CNBD1: variants seen among roughly 807,000 people sequenced by gnomAD.
CNBD1 encodes the protein cyclic nucleotide-binding domain-containing protein 1.
CNBD1 carries 71 observed loss-of-function variants against 54.4 expected under a neutral mutation model. The observed-to-expected ratio is 1.30, with a 90% CI of 1.08 to 1.59. The LOEUF is 1.59. CNBD1 is among the 40% of genes most tolerant of loss of function. The pLI is 0.00. For missense variants in CNBD1, 659 were observed against 518.0 expected (o/e 1.27, Z -2.64); for synonymous variants, 182 against 170.7 (o/e 1.07, Z -0.51).
Position 86,943,145 on chromosome 8 carries a change from A to T in CNBD1, c.431+3391A>T, listed in dbSNP as rs537784756. On this transcript the variant is annotated intron_variant, in intron 4 of 10. Coordinates refer to ENST00000518476, the MANE Select transcript of CNBD1 (RefSeq NM_173538.3). Reference sequence around the variant, plus strand: ...CACCTGTAATCCCAGCACTTTGGGAAGCCAAGGAGTGTGGATCATGAGGTC... The same window carrying T: ...CACCTGTAATCCCAGCACTTTGGGATGCCAAGGAGTGTGGATCATGAGGTC... 2.8e-3 allele frequency among the ~76,000 whole-genome samples: 420 copies of T among 152,056 alleles called. 3 individuals are homozygous for T. The highest frequency in any genetic ancestry group is 9.8e-3 in the African/African-American group (408 of 41,506).
intron 6 of CNBD1, among the ~76,000 whole-genome samples, chr8:87,242,567 A>G (rs144417053): frequency 6.6e-5 from 10 of 152,272 alleles, no homozygotes; most frequent in African/African-American, 2.2e-4. Context: ...GAATCCACCT[A>G]TGACTTAGAA....
At chr8:87,252,274 A>G (rs899882981) in intron 6 of CNBD1, among the ~76,000 whole-genome samples, 13 of 152,192 alleles carry the variant, frequency 8.5e-5, no homozygotes, top group African/African-American at 3.1e-4. Flanking sequence ...CTTCATATCT[A>G]AGTATATAAA....
At chr8:87,154,975 C>T (rs1812683880) in intron 4 of CNBD1, among the ~76,000 whole-genome samples, 2 of 152,162 alleles carry the variant, frequency 1.3e-5, no homozygotes, top group Admixed American at 1.3e-4. Flanking sequence ...AGTATCATAG[C>T]TGTACCATTC....
rs553666391 is a variant in CNBD1 at position 87,417,789 on chromosome 8, CTTAGTATCAATA to C, written c.214-10743_214-10732del. 6.6e-4 allele frequency among the ~76,000 whole-genome samples: 100 copies of C among 151,494 alleles called. 1 individual carries two copies. The East Asian group carries it at 0.017, about 26-fold the overall frequency. On this transcript the variant is annotated intron_variant, in intron 2 of 7. Transcript: ENST00000521593. ...ATTTGTATTTAAATCATACTGTATA[CTTAGTATCAATA>C]TTAGTATCAATATATGATAGTAACA...
chr8:87,256,006 TATATATATA>T lies in CNBD1; in HGVS notation c.771+18895_771+18903del, dbSNP rs1308051422. 1.5e-3 allele frequency among the ~76,000 whole-genome samples: 32 copies of T among 20,670 alleles called. 1 individual carries two copies. The highest frequency in any genetic ancestry group is 5.4e-3 in the African/African-American group (22 of 4,092). The allele number at this position is 20,670 out of a possible 152,430, so 13.6% of individuals were successfully genotyped here. On this transcript the variant is annotated intron_variant, in intron 6 of 10. Transcript: ENST00000518476. ...ATATATATATATATATATATATATA[TATATATATA>T]TTTTTTTTTTTTTTTTTTTTTTTTT...
intron 4 of CNBD1, among the ~76,000 whole-genome samples, chr8:87,054,080 G>A (rs1810364937): frequency 6.6e-6 from 1 of 152,226 alleles, no homozygotes; most frequent in Non-Finnish European, 1.5e-5. Flanking sequence ...TCACAGATAA[G>A]ACATGGAGCC....
At chr8:87,345,829 G>T (rs906224467) in intron 8 of CNBD1, among the ~76,000 whole-genome samples, 1 of 152,092 alleles carries the variant, frequency 6.6e-6, no homozygotes, top group Non-Finnish European at 1.5e-5. Flanking sequence ...TACACCCAGA[G>T]TAATTAAGTC....
intron 6 of CNBD1, among the ~76,000 whole-genome samples, chr8:87,247,697 C>T (rs1190988561): frequency 6.6e-6 from 1 of 152,110 alleles, no homozygotes; most frequent in African/African-American, 2.4e-5. Flanking sequence ...CTTTAGAAAG[C>T]CCTCTCATTT....
At chr8:87,303,305 C>T (rs1172724695) in intron 8 of CNBD1, among the ~76,000 whole-genome samples, 3 of 151,904 alleles carry the variant, frequency 2.0e-5, no homozygotes, top group African/African-American at 7.3e-5. Context: ...ACCAATGGAA[C>T]AGAACAGAGC....
chr8:86,968,760 T>C (rs1808151761), intron 4 of CNBD1, among the ~76,000 whole-genome samples: 1 of 152,214 alleles, frequency 6.6e-6, no homozygotes, highest in Admixed American at 6.5e-5. Flanking sequence ...TAGTTACTCA[T>C]AACTTAGTGT....
intron 4 of CNBD1, among the ~76,000 whole-genome samples, chr8:86,965,266 C>T (rs371844339): frequency 2.6e-5 from 4 of 152,152 alleles, no homozygotes; most frequent in African/African-American, 9.7e-5. Context: ...GGTCCTAGCG[C>T]GGACACCCTA....
intron 8 of CNBD1, among the ~76,000 whole-genome samples, chr8:87,339,594 G>C (rs1037679477): frequency 6.6e-6 from 1 of 152,026 alleles, no homozygotes; most frequent in Admixed American, 6.6e-5. Context: ...TTATATACTG[G>C]ATCAGGAACC....
At chr8:87,342,731 G>C (rs1452935891) in intron 8 of CNBD1, among the ~76,000 whole-genome samples, 2 of 152,118 alleles carry the variant, frequency 1.3e-5, no homozygotes, top group Admixed American at 6.5e-5. Context: ...GATTTCAGAA[G>C]GGGAGGGGGC....
At chr8:87,173,200 T>A (rs940056725) in intron 4 of CNBD1, among the ~76,000 whole-genome samples, 1 of 152,198 alleles carries the variant, frequency 6.6e-6, no homozygotes, top group African/African-American at 2.4e-5. Context: ...TTCCCACTTT[T>A]TAACTTTTTG....
intron 4 of CNBD1, among the ~76,000 whole-genome samples, chr8:87,122,581 T>C (rs982420531): frequency 6.6e-6 from 1 of 151,860 alleles, no homozygotes. Context: ...TTGCCTGTGT[T>C]TTAGGAGTCG....
chr8:87,169,276 A>T (rs1484671427), intron 4 of CNBD1, among the ~76,000 whole-genome samples: 1 of 152,036 alleles, frequency 6.6e-6, no homozygotes, highest in African/African-American at 2.4e-5. Flanking sequence ...TCAGATTATT[A>T]GGTTTTTACT....
chr8:87,320,230 T>C (rs1337739886), intron 8 of CNBD1, among the ~76,000 whole-genome samples: 1 of 152,134 alleles, frequency 6.6e-6, no homozygotes, highest in East Asian at 1.9e-4. Flanking sequence ...TCATTATATT[T>C]CAGGCTTTGT....
chr8:87,195,828 C>G (rs1813710605), intron 4 of CNBD1, among the ~76,000 whole-genome samples: 1 of 152,000 alleles, frequency 6.6e-6, no homozygotes, highest in African/African-American at 2.4e-5. Context: ...CTGCTTTGGC[C>G]TCCCAAAGTG....
intron 4 of CNBD1, among the ~76,000 whole-genome samples, chr8:86,967,166 G>T (rs879854786): frequency 2.0e-5 from 3 of 152,202 alleles, no homozygotes; most frequent in Non-Finnish European, 4.4e-5. Context: ...TGAGCCTGCA[G>T]AAAAAGTGCG....
Sources: allele counts gnomAD v4.1 joint callset (sites outside exome capture counted in the v4.1 genomes callset), GRCh38; gene constraint gnomAD v4.1.1; transcripts MANE v1.5; gene names NCBI Gene and HGNC (gene_info 2026-07-23, HGNC 2026-07-21).